The following PXDNL variants were observed in gnomAD, a reference collection of about 807,000 sequenced individuals.
PXDNL encodes probable oxidoreductase PXDNL.
Under a neutral mutation model 150.8 loss-of-function variants are expected in PXDNL, and 145 were observed. The observed-to-expected ratio is 0.96, with a 90% CI of 0.84 to 1.10. The LOEUF (loss-of-function observed/expected upper bound fraction) is 1.10. Ranked by LOEUF, PXDNL falls within the 50% of genes least tolerant of loss-of-function variation. The probability of loss-of-function intolerance (pLI) is 0.00; values close to 1 mark genes in which losing one functional copy is unlikely to be tolerated. For missense variants in PXDNL, 2,087 were observed against 1,873.9 expected (o/e 1.11, Z -2.10); for synonymous variants, 757 against 725.7 (o/e 1.04, Z -0.69).
intron 1 of PXDNL, among the ~76,000 whole-genome samples, chr8:51,661,012 G>A (rs528143026): frequency 1.3e-5 from 2 of 152,116 alleles, no homozygotes; most frequent in South Asian, 2.1e-4. Context: ...CGCACTGCCC[G>A]GCCTTGGAGT....
At chr8:51,702,631 G>A (rs11989650) in intron 1 of PXDNL, among the ~76,000 whole-genome samples, 12,007 of 152,124 alleles carry the variant, frequency 0.079, 698 homozygotes, top group African/African-American at 0.17. Context: ...TAAGCGGGGT[G>A]CCTCAATCTC....
intron 1 of PXDNL, among the ~76,000 whole-genome samples, chr8:51,706,395 T>C (rs1429839516): frequency 2.6e-5 from 4 of 152,118 alleles, no homozygotes; most frequent in African/African-American, 7.2e-5. Flanking sequence ...AGTAAATGCA[T>C]AGTTAAAATA....
chr8:51,502,257 T>TGG (rs1390556555), intron 4 of PXDNL, among the ~76,000 whole-genome samples: 1 of 152,098 alleles, frequency 6.6e-6, no homozygotes. Flanking sequence ...TAGCAGCAAG[T>TGG]GGGGGGCGGC....
At chr8:51,590,546 A>G (rs1020333267) in intron 3 of PXDNL, among the ~76,000 whole-genome samples, 1 of 152,212 alleles carries the variant, frequency 6.6e-6, no homozygotes, top group African/African-American at 2.4e-5. Flanking sequence ...CATGTCCAGA[A>G]GGTGGCAAAT....
At chr8:51,702,368 T>G (rs1816274609) in intron 1 of PXDNL, among the ~76,000 whole-genome samples, 1 of 152,046 alleles carries the variant, frequency 6.6e-6, no homozygotes, top group African/African-American at 2.4e-5. Context: ...AAATTTAGGG[T>G]AAGAATTGAA....
intron 14 of PXDNL, among the ~76,000 whole-genome samples, chr8:51,422,794 A>T (rs574838937): frequency 6.6e-6 from 1 of 152,322 alleles, no homozygotes; most frequent in African/African-American, 2.4e-5. Context: ...GAACTCCCAC[A>T]TGCAGACATG....
intron 1 of PXDNL, among the ~76,000 whole-genome samples, chr8:51,659,762 G>C (rs1815228225): frequency 6.6e-6 from 1 of 152,052 alleles, no homozygotes; most frequent in South Asian, 2.1e-4. Context: ...GAAGTTCCCA[G>C]TGGATTTTAG....
intron 2 of PXDNL, among the ~76,000 whole-genome samples, chr8:51,603,715 TA>T (rs1158492736): frequency 6.6e-6 from 1 of 152,150 alleles, no homozygotes; most frequent in Non-Finnish European, 1.5e-5. Flanking sequence ...CTAATAATAG[TA>T]GATAATATGT....
chr8:51,545,691 T>C lies in PXDNL; in HGVS notation c.380+11149A>G, dbSNP rs140970983. ...CCAAAAGGGAAAAAAGCACATCCTT[T>C]CATAAGGAACCCAATCCCAAGATGT... On this transcript the variant is annotated intron_variant, in intron 4 of 22. Coordinates refer to ENST00000356297, the MANE Select transcript of PXDNL (RefSeq NM_144651.5). Among the ~76,000 whole-genome samples the C allele has an allele frequency of 3.4e-4, 51 of 152,230 alleles. 2 individuals carry two copies. The highest frequency in any genetic ancestry group is 9.2e-4 in the Admixed American group (14 of 15,288).
chr8:51,629,450 A>C (rs1814442004), intron 2 of PXDNL, among the ~76,000 whole-genome samples: 1 of 152,168 alleles, frequency 6.6e-6, no homozygotes, highest in Non-Finnish European at 1.5e-5. Context: ...GTTAACATAC[A>C]CATAAATGAG....
chr8:51,464,970 T>G (rs1810171905), intron 8 of PXDNL, among the ~76,000 whole-genome samples: 1 of 152,166 alleles, frequency 6.6e-6, no homozygotes, highest in Admixed American at 6.6e-5. Context: ...AAATTTTACC[T>G]GACATACAAA....
At chr8:51,669,874 A>G (rs572521316) in intron 1 of PXDNL, among the ~76,000 whole-genome samples, 1 of 152,358 alleles carries the variant, frequency 6.6e-6, no homozygotes, top group Admixed American at 6.5e-5. Flanking sequence ...GAATATAAAT[A>G]TACTCCATCT....
intron 2 of PXDNL, among the ~76,000 whole-genome samples, chr8:51,597,377 T>C (rs1233127511): frequency 1.3e-5 from 2 of 152,052 alleles, no homozygotes; most frequent in Non-Finnish European, 2.9e-5. Context: ...ATTGCTTTGG[T>C]TTTTGGAGGT....
intron 8 of PXDNL, among the ~76,000 whole-genome samples, chr8:51,470,281 G>A (rs1007491953): frequency 2.0e-5 from 3 of 151,984 alleles, no homozygotes; most frequent in African/African-American, 4.8e-5. Flanking sequence ...TTCTATACAA[G>A]CTATTTTTAA....
intron 4 of PXDNL, among the ~76,000 whole-genome samples, chr8:51,547,617 G>A (rs1812391555): frequency 6.6e-6 from 1 of 152,092 alleles, no homozygotes; most frequent in Non-Finnish European, 1.5e-5. Context: ...CTGGCTCTCA[G>A]AAAACCCTAT....
chr8:51,539,732 A>G (rs57144368), intron 4 of PXDNL, among the ~76,000 whole-genome samples: 2,834 of 152,242 alleles, frequency 0.019, 37 homozygotes, highest in African/African-American at 0.035. Flanking sequence ...AAGTTGTCAA[A>G]TTTACTAATA....
At chr8:51,490,528 T>A (rs1201956155) in intron 5 of PXDNL, among the ~76,000 whole-genome samples, 2 of 151,526 alleles carry the variant, frequency 1.3e-5, no homozygotes, top group African/African-American at 4.8e-5. Flanking sequence ...CTATCAAAAT[T>A]AATGCCACAA....
chr8:51,618,522 T>G (rs1300802927), intron 2 of PXDNL, among the ~76,000 whole-genome samples: 1 of 152,184 alleles, frequency 6.6e-6, no homozygotes, highest in Non-Finnish European at 1.5e-5. Context: ...GTTTTAGCTC[T>G]CCTTTCTCAG....
chr8:51,712,923 C>T (rs1816529438), intron 1 of PXDNL, among the ~76,000 whole-genome samples: 1 of 152,156 alleles, frequency 6.6e-6, no homozygotes, highest in Non-Finnish European at 1.5e-5. Context: ...AACATTACTT[C>T]TCATTATGCA....
Sources: gnomAD v4.1 joint callset for allele counts (sites outside exome capture counted in the v4.1 genomes callset) on GRCh38, gnomAD v4.1.1 for gene constraint, MANE v1.5 for transcripts, NCBI Gene and HGNC (gene_info 2026-07-23, HGNC 2026-07-21) for gene names.